IPO11: variants seen among roughly 807,000 people sequenced by gnomAD.
IPO11 encodes the protein importin 11, also known as importin-11.
A neutral mutation model predicts 143.2 loss-of-function variants in IPO11; 66 were observed. The ratio of observed to expected loss-of-function variants is 0.46; its 90% CI spans 0.38 to 0.57. The LOEUF is 0.57. Ranked by LOEUF, IPO11 falls within the 20% of genes least tolerant of loss-of-function variation. The pLI is 0.00. For synonymous variants in IPO11, 385 were observed against 377.8 expected (o/e 1.02, Z -0.22); for missense variants, 1,026 against 1,141.0 (o/e 0.90, Z 1.45).
At chr5:62,565,256 C>T (rs1580330174) in intron 27 of IPO11, among the ~76,000 whole-genome samples, 1 of 152,132 alleles carries the variant, frequency 6.6e-6, no homozygotes, top group South Asian at 2.1e-4. Context: ...GAGGCCGAGG[C>T]AGGCAGATCA....
chr5:62,466,743 A>G (rs1745588193), intron 5 of IPO11, among the ~76,000 whole-genome samples: 1 of 152,254 alleles, frequency 6.6e-6, no homozygotes, highest in Non-Finnish European at 1.5e-5. Context: ...GTATATCTTC[A>G]TATATTGATT....
At chr5:62,469,665 AGT>A (rs1236384170) in intron 6 of IPO11, among the ~76,000 whole-genome samples, 2 of 152,176 alleles carry the variant, frequency 1.3e-5, no homozygotes, top group Non-Finnish European at 2.9e-5. Context: ...TGTTGCCCAA[AGT>A]AGTATTACAA....
chr5:62,413,067 A>G (rs1250903324), intron 1 of IPO11, 138 bp downstream of exon 1: 1 of 152,452 alleles, frequency 6.6e-6, no homozygotes, highest in East Asian at 1.9e-4. Context: ...GGCGGCCTGC[A>G]GACTTGGCTG....
intron 24 of IPO11, among the ~76,000 whole-genome samples, chr5:62,544,187 C>T (rs1453489459): frequency 1.3e-5 from 2 of 151,262 alleles, no homozygotes; most frequent in Non-Finnish European, 3.0e-5. Context: ...TGATGAACAT[C>T]AATGCAAAAA....
Position 62,556,717 on chromosome 5 carries a change from AT to A in IPO11, c.2461-4410del, listed in dbSNP as rs1038143032. 5.3e-5 allele frequency among the ~76,000 whole-genome samples: 8 copies of A among 151,964 alleles called. No individual in the cohort carries two copies. In the East Asian group the frequency reaches 5.8e-4, roughly 11 times the overall value. On this transcript the variant is annotated intron_variant, in intron 26 of 29. Coordinates refer to ENST00000325324, the MANE Select transcript of IPO11 (RefSeq NM_016338.5). The stretch of plus-strand genomic sequence containing the variant: ...TTAAACCAAAAAAATTAAAATGAGA[AT>A]TTTTTTTTAAATGAAGTTTCAGTGA...
intron 27 of IPO11, chr5:62,580,953 T>A: frequency 6.4e-7 from 1 of 1,551,320 alleles, no homozygotes; most frequent in Non-Finnish European, 8.7e-7. Flanking sequence ...TACCGAATGA[T>A]GCTGCTTCAA....
chr5:62,441,534 G>T (rs570416805), intron 2 of IPO11, among the ~76,000 whole-genome samples: 2 of 71,392 alleles, frequency 2.8e-5, no homozygotes, highest in African/African-American at 5.6e-5. Context: ...TTTTTTTATG[G>T]GACAGAGTTT....
In IPO11 at chr5:62,442,318, G is replaced by A. The variant is rs138077508; in HGVS notation, c.139-665G>A. Among the ~76,000 whole-genome samples, 1,500 of 152,054 alleles carry A rather than the reference G, an allele frequency of 9.9e-3. 12 individuals are homozygous for A. The highest frequency in any genetic ancestry group is 0.016 in the Non-Finnish European group (1,100 of 67,978). On this transcript the variant is annotated intron_variant, in intron 2 of 29. Coordinates refer to ENST00000325324, the MANE Select transcript of IPO11 (RefSeq NM_016338.5). ...TTATATATTTTATTGAATATGTATGGGCTTATGGTATTCATTTGAAAAATA... is the reference window on the plus strand; with the variant it reads ...TTATATATTTTATTGAATATGTATGAGCTTATGGTATTCATTTGAAAAATA...
intron 29 of IPO11, among the ~76,000 whole-genome samples, chr5:62,606,323 A>G (rs1204269968): frequency 2.0e-5 from 3 of 151,392 alleles, no homozygotes; most frequent in South Asian, 2.1e-4. Context: ...TCTAAAAAAA[A>G]AAAAAATTTA....
intron 29 of IPO11, among the ~76,000 whole-genome samples, chr5:62,609,954 T>C (rs1358613745): frequency 2.0e-5 from 3 of 152,196 alleles, no homozygotes; most frequent in African/African-American, 7.2e-5. Flanking sequence ...TGGGACCACA[T>C]TGGATGTGGC....
chr5:62,599,440 C>T (rs575206877), intron 28 of IPO11, among the ~76,000 whole-genome samples: 10 of 152,252 alleles, frequency 6.6e-5, no homozygotes, highest in South Asian at 2.1e-4. Flanking sequence ...TGTTTATCAG[C>T]GCTCAATGAA....
rs565899103 is a variant in IPO11, at chr5:62,431,856, G to A, written c.-6-5418G>A. ...CTTAGGAGGCTGAGGCACAAGAATC[G>A]CTTGAGCCCAGGAGGCAGAAGTTGC... is the stretch of plus-strand genomic sequence containing the variant. On this transcript the variant is annotated intron_variant, in intron 1 of 29. Transcript: ENST00000325324. Among the ~76,000 whole-genome samples the A allele has an allele frequency of 1.1e-3, 164 of 151,990 alleles. 2 individuals are homozygous for A. Among genetic ancestry groups the A allele is most frequent in the Non-Finnish European group, 1.3e-3 (89 of 68,036 alleles).
chr5:62,523,302 G>C (rs1237506637), intron 20 of IPO11, among the ~76,000 whole-genome samples: 1 of 152,120 alleles, frequency 6.6e-6, no homozygotes, highest in Non-Finnish European at 1.5e-5. Context: ...GCTTTCTCCA[G>C]ATGTTAACAT....
intron 28 of IPO11, among the ~76,000 whole-genome samples, chr5:62,598,492 C>A (rs62376173): frequency 3.6e-4 from 1 of 2,782 alleles, no homozygotes; most frequent in Non-Finnish European, 5.3e-4. Context: ...CTCTCTCTCT[C>A]TCTTTCTTTC....
intron 27 of IPO11, chr5:62,579,797 T>C: frequency 6.5e-7 from 1 of 1,544,046 alleles, no homozygotes; most frequent in South Asian, 1.2e-5. Flanking sequence ...AATAATTTCA[T>C]CAAACGCTTA....
intron 28 of IPO11, 42 bp from the exon 29 acceptor site, chr5:62,601,722 G>A (rs1391921044): frequency 1.9e-6 from 2 of 1,069,606 alleles, no homozygotes. Flanking sequence ...GTGTATTATA[G>A]ACATTTTTAT....
At chr5:62,504,730 A>G (rs780404904) in intron 17 of IPO11, 30 bp downstream of exon 17, 1 of 1,449,674 alleles carries the variant, frequency 6.9e-7, no homozygotes, top group South Asian at 1.3e-5. Context: ...AAAATACTTC[A>G]TTGCAAAGAA....
chr5:62,421,209 A>G (rs1322185803), intron 1 of IPO11, among the ~76,000 whole-genome samples: 3 of 152,052 alleles, frequency 2.0e-5, no homozygotes, highest in Admixed American at 6.6e-5. Context: ...CTTTTCTTAT[A>G]TATTTGTCTT....
At chr5:62,444,917 C>A (rs2112148993) in intron 3 of IPO11, among the ~76,000 whole-genome samples, 1 of 150,660 alleles carries the variant, frequency 6.6e-6, no homozygotes, top group African/African-American at 2.4e-5. Context: ...TATAAACATA[C>A]ATATAAATAT....
Sources: allele counts gnomAD v4.1 joint callset (sites outside exome capture counted in the v4.1 genomes callset), GRCh38; gene constraint gnomAD v4.1.1; transcripts MANE v1.5; gene names NCBI Gene and HGNC (gene_info 2026-07-23, HGNC 2026-07-21).